The following SP140 variants were observed in gnomAD, a reference collection of about 807,000 sequenced individuals.
SP140 encodes nuclear body protein SP140.
SP140 carries 81 observed loss-of-function variants against 125.0 expected under a neutral mutation model. That is an observed-to-expected ratio of 0.65 (90% CI 0.54 to 0.78). The LOEUF (loss-of-function observed/expected upper bound fraction) is 0.78, where lower values mean the gene tolerates loss of function less well. Among genes scored for constraint, SP140 ranks in the 30% least tolerant of loss-of-function variants. SP140 has a pLI of 0.00. For synonymous variants in SP140, 312 were observed against 354.0 expected, an observed-to-expected ratio of 0.88 and a Z score of 1.33; for missense variants, 858 against 1,037.0, an observed-to-expected ratio of 0.83 and a Z score of 2.37.
chr2:230,305,200 T>C (rs1029720231), intron 22 of SP140, among the ~76,000 whole-genome samples: 1 of 152,162 alleles, frequency 6.6e-6, no homozygotes, highest in Non-Finnish European at 1.5e-5. Flanking sequence ...AAAACCGCAA[T>C]GCGATACCAC....
chr2:230,245,385 A>G (rs2049287141), intron 6 of SP140, among the ~76,000 whole-genome samples: 1 of 152,182 alleles, frequency 6.6e-6, no homozygotes, highest in Non-Finnish European at 1.5e-5. Flanking sequence ...TCCTACCAGG[A>G]TGGGGTTTGA....
upstream of SP140, among the ~76,000 whole-genome samples, chr2:230,222,840 GTTTTTTTT>G (rs35018428): frequency 7.8e-6 from 1 of 128,940 alleles, no homozygotes; most frequent in African/African-American, 2.9e-5. Context: ...GTGTATTAAA[GTTTTTTTT>G]TTTTTTTTTT....
At chr2:230,279,433 T>C (rs189021354) in intron 15 of SP140, among the ~76,000 whole-genome samples, 2 of 151,642 alleles carry the variant, frequency 1.3e-5, no homozygotes, top group Non-Finnish European at 2.9e-5. Flanking sequence ...AAAGCAAGAG[T>C]AATCAAAACC....
In SP140 at chr2:230,292,730, C is replaced by T. The variant is rs1196054980; in HGVS notation, c.1910C>T (p.Ser637Leu). Reference protein sequence around the residue: ...EFEIKGGHARSKNWRLSVRCG... With the variant: ...EFEIKGGHARLKNWRLSVRCG... ...GAAATCAAAGGAGGCCATGCAAGAT[C>T]AAAGAACTGGAGGCTGAGTGTGCGC... Residue 637 changes from serine to leucine, a missense_variant, in exon 20 of 27, where the codon TCA (serine) becomes TTA (leucine). Ser to Leu is a moderately radical substitution (Grantham distance 145). Around this residue, in one of 4 missense-constraint regions of SP140, gnomAD observed 791 missense variants for 869.5 expected, o/e 0.91. Coordinates refer to ENST00000392045, the MANE Select transcript of SP140 (RefSeq NM_007237.5). 1 of 1,614,110 alleles carries T rather than the reference C, an allele frequency of 6.2e-7. No individual in the cohort carries two copies. The highest frequency in any genetic ancestry group is 8.5e-7 in the Non-Finnish European group (1 of 1,180,048).
chr2:230,288,452 A>ACTTT (rs1553599852), intron 18 of SP140, among the ~76,000 whole-genome samples: 2 of 141,564 alleles, frequency 1.4e-5, no homozygotes, highest in African/African-American at 2.6e-5. Context: ...AATTAGGCCA[A>ACTTT]CTATCTTTCT....
chr2:230,208,486 G>A (rs1196900367), intron 1 of SP140, among the ~76,000 whole-genome samples: 2 of 152,204 alleles, frequency 1.3e-5, no homozygotes, highest in Admixed American at 6.5e-5. Context: ...TAGAAGAGAA[G>A]GAGGGAACTC....
At position 230,280,293 on chromosome 2, in the gene SP140, A is replaced by C. The variant is rs997628429; in HGVS notation, c.1499-4053A>C. ...TATCCCTGTTAATGCTTTTGCCGTA[A>C]AATCTCTTTTGCCAAGTACTAACAT... On this transcript the variant is annotated intron_variant, in intron 15 of 26. Coordinates refer to ENST00000392045, the MANE Select transcript of SP140 (RefSeq NM_007237.5). Among the ~76,000 whole-genome samples the C allele has an allele frequency of 2.6e-5, 4 of 152,142 alleles. 1 individual carries two copies. Among genetic ancestry groups the C allele is most frequent in the Admixed American group, 2.6e-4 (4 of 15,272 alleles).
chr2:230,310,413 G>A (rs1398233510), intron 23 of SP140: 12 of 516,534 alleles, frequency 2.3e-5, no homozygotes, highest in South Asian at 6.3e-5. Context: ...TTGGAGGCCC[G>A]AGGTCCCTGG....
intron 15 of SP140, among the ~76,000 whole-genome samples, chr2:230,277,260 C>G (rs10200975): frequency 0.013 from 1,973 of 152,204 alleles, 45 homozygotes; most frequent in African/African-American, 0.044. Flanking sequence ...TCAGTCACCA[C>G]CCTAGTCAGT....
At chr2:230,285,145 A>G (rs2056193697) in intron 16 of SP140, among the ~76,000 whole-genome samples, 2 of 152,162 alleles carry the variant, frequency 1.3e-5, no homozygotes, top group African/African-American at 4.8e-5. Context: ...GTGATGTTTC[A>G]TATCATTTTA....
chr2:230,269,856 T>G lies in SP140; in HGVS notation c.1347T>G (p.Tyr449Ter), dbSNP rs759571518. 6.2e-7 allele frequency: 1 copy of G among 1,613,868 alleles called. No homozygotes were observed. The highest frequency in any genetic ancestry group is 1.1e-5 in the South Asian group (1 of 91,068). The change falls in exon 14 of 27, where the codon TAT becomes TAG. Residue 449 changes from tyrosine to a stop codon, truncating the protein, a stop_gained. Coordinates refer to ENST00000392045, the MANE Select transcript of SP140 (RefSeq NM_007237.5). LOFTEE classifies it high-confidence loss of function. The part of the protein sequence containing the change: ...DNVPGAEQSA[Y>*]ENEKCSCVMC... ...GCCCAGGAGCGGAGCAATCAGCATA[T>G]GAAAATGAGAAGTGTTCCTGTGTCA...
At position 230,208,047 on chromosome 2, in the gene SP140, T is replaced by C. The variant is rs187168146; in HGVS notation, c.-323+4768T>C. The C allele has an allele frequency of 5.1e-5, 78 of 1,538,626 alleles. No homozygotes were observed. In the Admixed American group the frequency reaches 8.7e-4, roughly 17 times the overall value. On this transcript the variant is annotated intron_variant, in intron 1 of 4. Transcript: ENST00000456542. The stretch of plus-strand genomic sequence containing the variant: ...TTTTGGAGTTGACCAGATACATCTT[T>C]TTCTTTTCTTTCCTAAAAAGAAAGG...
chr2:230,205,490 A>T (rs113612478), intron 1 of SP140, among the ~76,000 whole-genome samples: 10 of 152,212 alleles, frequency 6.6e-5, no homozygotes, highest in Admixed American at 3.3e-4. Context: ...ACTTGAAATT[A>T]TCTTGTTTAT....
At chr2:230,191,106 C>A in the SP140 span, among the ~76,000 whole-genome samples, 2 of 151,836 alleles carry the variant, frequency 1.3e-5, no homozygotes, top group Admixed American at 1.3e-4. Context: ...AATGTAGAGA[C>A]AATATACCAG....
At position 230,310,784 on chromosome 2, in the gene SP140, C is replaced by T. The variant is rs371937120; in HGVS notation, c.2216C>T (p.Pro739Leu). Reference protein sequence around the residue: ...NCIFCRMKESPGSQQCCQESE... With the variant: ...NCIFCRMKESLGSQQCCQESE... ...ATCTTCTGCAGGATGAAGGAGTCTC[C>T]GGGAAGCCAACAGTGTTGTCAGGAA... is the stretch of plus-strand genomic sequence containing the variant. Residue 739 changes from proline to leucine, a missense_variant, in exon 24 of 27, where the codon CCG (proline) becomes CTG (leucine). This residue lies in a region of SP140 where 22 missense variants were observed against 50.5 expected (regional missense o/e 0.44). Transcript: ENST00000392045. The T allele has an allele frequency of 3.1e-5, 48 of 1,526,916 alleles. No homozygotes were observed. Among genetic ancestry groups the T allele is most frequent in the Middle Eastern group, 4.4e-4 (2 of 4,548 alleles). 94.6% of individuals were successfully genotyped at this position (1,526,916 alleles called of 1,614,324 possible). A position where few individuals can be genotyped will look rare whatever the true frequency, so the allele number is the denominator to read the frequency against.
At chr2:230,295,595 G>A (rs571838101) in intron 21 of SP140, among the ~76,000 whole-genome samples, 1 of 152,246 alleles carries the variant, frequency 6.6e-6, no homozygotes, top group African/African-American at 2.4e-5. Flanking sequence ...AGAACAGAAG[G>A]TCCCTTAAGT....
chr2:230,288,452 ACTAT>A (rs1275093440), intron 18 of SP140, among the ~76,000 whole-genome samples: 36 of 141,676 alleles, frequency 2.5e-4, no homozygotes, highest in South Asian at 1.4e-3. Flanking sequence ...AATTAGGCCA[ACTAT>A]CTTTCTTTCT....
intron 5 of SP140, 86 bp downstream of exon 5, chr2:230,243,897 C>G (rs2049048406): frequency 1.1e-6 from 1 of 909,104 alleles, no homozygotes; most frequent in Non-Finnish European, 1.8e-6. Context: ...GCATTTTACT[C>G]TGAGTACATG....
chr2:230,243,906 T>C (rs1402386010), intron 5 of SP140, 95 bp downstream of exon 5: 4 of 819,068 alleles, frequency 4.9e-6, no homozygotes, highest in Non-Finnish European at 8.3e-6. Context: ...TCTGAGTACA[T>C]GCCACAGGCA....
Sources: allele counts gnomAD v4.1 joint callset (sites outside exome capture counted in the v4.1 genomes callset), GRCh38; gene constraint gnomAD v4.1.1; regional missense constraint gnomAD v4.1.1; transcripts MANE v1.5; gene names NCBI Gene and HGNC (gene_info 2026-07-23, HGNC 2026-07-21).